The following GALNT18 variants were observed in gnomAD, a reference collection of about 807,000 sequenced individuals.
The protein encoded by GALNT18 is GalNAc-transferase 18.
Under a neutral mutation model 69.5 loss-of-function variants are expected in GALNT18, and 44 were observed. The observed-to-expected ratio is 0.63, with a 90% confidence interval of 0.50 to 0.81. The LOEUF is 0.81. GALNT18 is among the 40% of genes least tolerant of loss of function. GALNT18 has a pLI of 0.00. For missense variants in GALNT18, 715 were observed against 810.0 expected, an observed-to-expected ratio of 0.88 and a Z score of 1.42; for synonymous variants, 364 against 318.2, an observed-to-expected ratio of 1.14 and a Z score of -1.53.
At chr11:11,569,059 T>C (rs1858720411) in intron 1 of GALNT18, among the ~76,000 whole-genome samples, 2 of 152,162 alleles carry the variant, frequency 1.3e-5, no homozygotes, top group Non-Finnish European at 2.9e-5. Flanking sequence ...TGACTTCTTG[T>C]ATATTCTGTG....
chr11:11,323,615 G>T (rs941151286), intron 9 of GALNT18, among the ~76,000 whole-genome samples: 1 of 152,208 alleles, frequency 6.6e-6, no homozygotes, highest in Admixed American at 6.5e-5. Context: ...CAGCCCTGAT[G>T]ATCCCTAAAA....
chr11:11,553,191 A>C (rs746803114), intron 1 of GALNT18, among the ~76,000 whole-genome samples: 8 of 152,184 alleles, frequency 5.3e-5, no homozygotes, highest in Non-Finnish European at 8.8e-5. Flanking sequence ...CAAGTTCGAG[A>C]ACCACTCTGA....
At chr11:11,588,855 C>CA (rs1319460287) in intron 1 of GALNT18, among the ~76,000 whole-genome samples, 1 of 152,196 alleles carries the variant, frequency 6.6e-6, no homozygotes, top group Non-Finnish European at 1.5e-5. Context: ...AGGAAATTCC[C>CA]AATACCCAGT....
In GALNT18 at chr11:11,377,067, C is replaced by T. The variant is rs1853779469; in HGVS notation, c.977+115G>A. Reference sequence around the variant, plus strand: ...AGACTGCAGTTCCTTTCGACCCTGCCCACCCCTGTCATCCCCACGATGGGG... The same window carrying T: ...AGACTGCAGTTCCTTTCGACCCTGCTCACCCCTGTCATCCCCACGATGGGG... On this transcript the variant is annotated intron_variant, in intron 5 of 10. Transcript: ENST00000227756. This position sits in a 1 kb window ranked among gnomAD's most constrained non-coding sequence, Gnocchi z 4.6. 4.2e-6 allele frequency: 4 copies of T among 943,808 alleles called. No homozygotes were observed. In the Admixed American group the frequency reaches 8.2e-5, roughly 19 times the overall value. 58.5% of individuals were successfully genotyped at this position (943,808 alleles called of 1,614,324 possible).
At chr11:11,371,293 G>A (rs763556050) in intron 6 of GALNT18, among the ~76,000 whole-genome samples, 7 of 152,216 alleles carry the variant, frequency 4.6e-5, no homozygotes, top group Non-Finnish European at 8.8e-5. Flanking sequence ...GGCAAGGGCC[G>A]TCCAGGGCCA....
rs1855498162 is a variant in GALNT18 at position 11,439,843 on chromosome 11, T to G, written c.429-7056A>C. On this transcript the variant is annotated intron_variant, in intron 2 of 10. Coordinates refer to ENST00000227756, the MANE Select transcript of GALNT18 (RefSeq NM_198516.3). This position sits in a 1 kb window ranked among gnomAD's most constrained non-coding sequence, Gnocchi z 4.4. ...TTTACTCCCTGCCTGACTGCAGCAA[T>G]AAGACTAGATCATCCCACAAGCCAA... Among the ~76,000 whole-genome samples the G allele has an allele frequency of 6.6e-6, 1 of 152,170 alleles. No individual in the cohort carries two copies. Among genetic ancestry groups the G allele is most frequent in the Non-Finnish European group, 1.5e-5 (1 of 68,034 alleles).
chr11:11,288,886 A>G (rs1393135564), intron 10 of GALNT18, among the ~76,000 whole-genome samples: 1 of 152,166 alleles, frequency 6.6e-6, no homozygotes, highest in Non-Finnish European at 1.5e-5. Flanking sequence ...AAAACACACT[A>G]GATTATTTTA....
chr11:11,293,188 C>T lies in GALNT18; in HGVS notation c.1518G>A (p.Val506=), dbSNP rs150020084. ...YICHGMTPQN[V]YYTSSQQIHV... ...GGATCTGCTGACTGCTCGTGTAGTA[C>T]ACGTTCTGGGGGCGGAGGGAGGGAG... The change falls in exon 10 of 11, where the codon GTG becomes GTA. Residue 506 remains valine (V), a synonymous_variant. Coordinates refer to ENST00000227756, the MANE Select transcript of GALNT18 (RefSeq NM_198516.3). 3.8e-6 allele frequency: 5 copies of T among 1,325,698 alleles called. No individual in the cohort carries two copies. Among genetic ancestry groups the T allele is most frequent in the South Asian group, 2.8e-5 (1 of 35,632 alleles). The allele number at this position is 1,325,698 out of a possible 1,614,324, so 82.1% of individuals were successfully genotyped here. A position where few individuals can be genotyped will look rare whatever the true frequency, so the allele number is the denominator to read the frequency against.
chr11:11,279,773 A>AG (rs575456736), intron 10 of GALNT18, among the ~76,000 whole-genome samples: 81 of 152,372 alleles, frequency 5.3e-4, no homozygotes, highest in Non-Finnish European at 7.3e-4. Context: ...GGAAATCACA[A>AG]GGGTGTTGCT....
chr11:11,433,477 C>T lies in GALNT18; in HGVS notation c.429-690G>A, dbSNP rs546783176. On this transcript the variant is annotated intron_variant, in intron 2 of 10. Coordinates refer to ENST00000227756, the MANE Select transcript of GALNT18 (RefSeq NM_198516.3). ...TCTGAGTCAGCTACCATGACAGAAT[C>T]CCAACTCTGGTCCTCTGACACCTGC... 1.1e-4 allele frequency among the ~76,000 whole-genome samples: 16 copies of T among 152,338 alleles called. 1 individual carries two copies. The South Asian group carries it at 3.1e-3, about 30-fold the overall frequency.
chr11:11,589,947 G>A (rs895061580), intron 1 of GALNT18, among the ~76,000 whole-genome samples: 1 of 152,230 alleles, frequency 6.6e-6, no homozygotes, highest in Non-Finnish European at 1.5e-5. Flanking sequence ...AGCCATTAAA[G>A]GAGTATGAGA....
intron 2 of GALNT18, among the ~76,000 whole-genome samples, chr11:11,443,703 G>A (rs1855582772): frequency 6.6e-6 from 1 of 152,216 alleles, no homozygotes; most frequent in African/African-American, 2.4e-5. Context: ...AGACCAGGAA[G>A]GAAGCAAGTG....
At chr11:11,286,444 G>A (rs982383154) in intron 10 of GALNT18, among the ~76,000 whole-genome samples, 3 of 152,118 alleles carry the variant, frequency 2.0e-5, no homozygotes, top group African/African-American at 7.2e-5. Context: ...AGCTAAGCAG[G>A]ACCCTTGGAC....
At chr11:11,394,552 A>G (rs1854276631) in intron 3 of GALNT18, among the ~76,000 whole-genome samples, 2 of 152,198 alleles carry the variant, frequency 1.3e-5, no homozygotes, top group African/African-American at 4.8e-5. Flanking sequence ...TAAAAACTCT[A>G]CTGTAGCAGC....
chr11:11,322,570 C>T (rs1849856320), intron 9 of GALNT18, among the ~76,000 whole-genome samples: 1 of 152,176 alleles, frequency 6.6e-6, no homozygotes, highest in Admixed American at 6.5e-5. Context: ...AATCAGAGAA[C>T]TGCAAATTAA....
intron 1 of GALNT18, among the ~76,000 whole-genome samples, chr11:11,550,636 C>A (rs1858166061): frequency 6.6e-6 from 1 of 152,174 alleles, no homozygotes; most frequent in Admixed American, 6.5e-5. Flanking sequence ...AGGTAAGGAC[C>A]ACAGGAGTCC....
At position 11,500,800 on chromosome 11, in the gene GALNT18, T is replaced by G. The variant is rs753140366; in HGVS notation, c.236-51864A>C. ...CCTTTTCATGTATTTTCTGTACAAA[T>G]AAAGAAGGTAAAAAGGCCGGGCACA... On this transcript the variant is annotated intron_variant, in intron 1 of 10. Transcript: ENST00000227756. This position sits in a 1 kb window ranked among gnomAD's most constrained non-coding sequence, Gnocchi z 5.0. 2.6e-5 allele frequency among the ~76,000 whole-genome samples: 4 copies of G among 152,132 alleles called. No individual in the cohort carries two copies. The highest frequency in any genetic ancestry group is 4.8e-5 in the African/African-American group (2 of 41,430).
chr11:11,333,116 G>T (rs935500590), intron 7 of GALNT18, among the ~76,000 whole-genome samples: 1 of 151,946 alleles, frequency 6.6e-6, no homozygotes, highest in Non-Finnish European at 1.5e-5. Flanking sequence ...TATAGTCTGG[G>T]TGTAGATGAA....
chr11:11,341,103 C>T lies in GALNT18; in HGVS notation c.1093-99G>A. 1 of 1,151,318 alleles carries T rather than the reference C, an allele frequency of 8.7e-7. No individual in the cohort carries two copies. Among genetic ancestry groups the T allele is most frequent in the Non-Finnish European group, 1.2e-6 (1 of 813,890 alleles). 71.3% of individuals were successfully genotyped at this position (1,151,318 alleles called of 1,614,324 possible). ...TTGACATGAGCAGGAAGAAAGTCAG[C>T]CCCTTCACCTTGACTCCCCAGATCA... On this transcript the variant is annotated intron_variant, in intron 6 of 10. Coordinates refer to ENST00000227756, the MANE Select transcript of GALNT18 (RefSeq NM_198516.3). The surrounding 1 kb of genome is among the most constrained non-coding windows in gnomAD (Gnocchi z 6.3).
Sources: gnomAD v4.1 joint callset for allele counts (sites outside exome capture counted in the v4.1 genomes callset) on GRCh38, gnomAD v4.1.1 for gene constraint, Gnocchi (gnomAD v3.1) non-coding constraint, MANE v1.5 for transcripts, NCBI Gene and HGNC (gene_info 2026-07-23, HGNC 2026-07-21) for gene names.